Variants in LRP6 observed in about 807,000 individuals in gnomAD.
The protein encoded by LRP6 is LDL receptor related protein 6, also known as low-density lipoprotein receptor-related protein 6.
Under a neutral mutation model 184.1 loss-of-function variants are expected in LRP6, and 43 were observed. That is an observed-to-expected ratio of 0.23 (90% CI 0.18 to 0.30). The LOEUF is 0.30. Ranked by LOEUF, LRP6 falls within the 10% of genes least tolerant of loss-of-function variation. LRP6 has a pLI of 1.00. For missense variants in LRP6, 1,571 were observed against 2,005.3 expected (o/e 0.78, Z 4.14); for synonymous variants, 719 against 684.9 (o/e 1.05, Z -0.78).
chr12:12,205,411 C>T (rs563753404), intron 2 of LRP6, among the ~76,000 whole-genome samples: 2 of 149,536 alleles, frequency 1.3e-5, no homozygotes, highest in South Asian at 4.2e-4. Flanking sequence ...GTGTTGAAAC[C>T]CAAATGAAAT....
chr12:12,207,707 A>G (rs1394901872), intron 2 of LRP6, among the ~76,000 whole-genome samples: 1 of 152,156 alleles, frequency 6.6e-6, no homozygotes, highest in Non-Finnish European at 1.5e-5. Context: ...GTAGTCAGGA[A>G]GGCTGTCTGC....
At chr12:12,132,139 T>G in intron 17 of LRP6, 82 bp from the exon 18 acceptor site, 1 of 845,302 alleles carries the variant, frequency 1.2e-6, no homozygotes, top group East Asian at 2.4e-5. Flanking sequence ...TGAGTGAAGC[T>G]CATTTAATAA....
intron 1 of LRP6, among the ~76,000 whole-genome samples, chr12:12,254,143 C>CAAAAAAAAA (rs34210761): frequency 1.9e-4 from 14 of 74,334 alleles, no homozygotes; most frequent in African/African-American, 3.9e-4. Flanking sequence ...GACTCTGTCT[C>CAAAAAAAAA]AAAAAAAAAA....
At chr12:12,126,575 T>C (rs1364548516) in intron 20 of LRP6, 116 bp downstream of exon 20, 1 of 829,710 alleles carries the variant, frequency 1.2e-6, no homozygotes, top group African/African-American at 1.7e-5. Context: ...TATAATTGTT[T>C]AAACTCAGAG....
At chr12:12,211,985 A>G (rs981921239) in intron 2 of LRP6, among the ~76,000 whole-genome samples, 1 of 152,190 alleles carries the variant, frequency 6.6e-6, no homozygotes, top group Non-Finnish European at 1.5e-5. Flanking sequence ...ATAAAAATGA[A>G]ATATTAACTG....
chr12:12,175,696 AAAAATAAAAT>A (rs71435896), intron 7 of LRP6, among the ~76,000 whole-genome samples: 137 of 142,392 alleles, frequency 9.6e-4, no homozygotes, highest in African/African-American at 2.5e-3. Context: ...GTCTCAAATA[AAAAATAAAAT>A]AAAATAAAAT....
chr12:12,124,467 T>C, intron 22 of LRP6, 98 bp downstream of exon 22: 1 of 825,562 alleles, frequency 1.2e-6, no homozygotes, highest in Middle Eastern at 2.2e-4. Flanking sequence ...AGTCTCTCTC[T>C]GGTGACCATC....
intron 1 of LRP6, among the ~76,000 whole-genome samples, chr12:12,257,967 T>TC (rs1306224216): frequency 1.0e-4 from 14 of 135,212 alleles, no homozygotes; most frequent in Non-Finnish European, 1.9e-4. Flanking sequence ...AGACCCTGTC[T>TC]CAAAAAAAAA....
chr12:12,261,471 C>T (rs1865615467), intron 1 of LRP6, among the ~76,000 whole-genome samples: 1 of 151,722 alleles, frequency 6.6e-6, no homozygotes, highest in African/African-American at 2.4e-5. Flanking sequence ...AAGCTAAAAC[C>T]TTAAAATTTA....
chr12:12,194,083 G>T (rs897811124), intron 3 of LRP6, among the ~76,000 whole-genome samples: 10 of 151,682 alleles, frequency 6.6e-5, no homozygotes, highest in Admixed American at 2.0e-4. Context: ...ATAAAATAAA[G>T]AATAAAACCA....
chr12:12,117,547 T>A lies in LRP6; in HGVS notation c.*3579A>T, dbSNP rs1949535088. On this transcript the variant is annotated 3_prime_UTR_variant, in exon 23 of 23. Transcript: ENST00000261349. ...GCTTCCCCTACAAGAAATAAAACAA[T>A]TCAAAATATGACATTTCTAAGAATC... 6.6e-6 allele frequency: 1 copy of A among 152,224 alleles called. No homozygotes were observed. The highest frequency in any genetic ancestry group is 1.5e-5 in the Non-Finnish European group (1 of 68,022). The allele number at this position is 152,224 out of a possible 1,614,324, so 9.4% of individuals were successfully genotyped here.
intron 2 of LRP6, among the ~76,000 whole-genome samples, chr12:12,219,958 C>A (rs1176708670): frequency 6.6e-6 from 1 of 152,106 alleles, no homozygotes; most frequent in Non-Finnish European, 1.5e-5. Context: ...AGGTTGAAGG[C>A]AACAGCAACA....
chr12:12,153,184 A>G (rs1565569429), intron 12 of LRP6, among the ~76,000 whole-genome samples: 1 of 152,214 alleles, frequency 6.6e-6, no homozygotes, highest in Non-Finnish European at 1.5e-5. Context: ...AAGCAAGAAA[A>G]AAATTTTTAA....
At chr12:12,179,401 T>TATAGATATAGACATAGAC (rs1863284556) in intron 7 of LRP6, among the ~76,000 whole-genome samples, 2 of 143,170 alleles carry the variant, frequency 1.4e-5, no homozygotes, top group African/African-American at 5.6e-5. Flanking sequence ...TAGATATAGA[T>TATAGATATAGACATAGAC]ATAGATATAG....
chr12:12,256,600 A>G (rs1189894907), intron 1 of LRP6, among the ~76,000 whole-genome samples: 1 of 152,156 alleles, frequency 6.6e-6, no homozygotes, highest in African/African-American at 2.4e-5. Flanking sequence ...TGAGGTCAGG[A>G]GGTCAAGACC....
chr12:12,202,602 T>C (rs1335750744), intron 3 of LRP6, among the ~76,000 whole-genome samples: 1 of 152,232 alleles, frequency 6.6e-6, no homozygotes, highest in Non-Finnish European at 1.5e-5. Context: ...TATTCCCTTA[T>C]GCATTACTAT....
intron 1 of LRP6, among the ~76,000 whole-genome samples, chr12:12,260,536 A>ATTT: frequency 6.6e-6 from 1 of 152,230 alleles, no homozygotes; most frequent in Non-Finnish European, 1.5e-5. Context: ...CAACTGCCAA[A>ATTT]AACAGTGCCC....
At chr12:12,195,366 TTG>T (rs1591934819) in intron 3 of LRP6, among the ~76,000 whole-genome samples, 1 of 152,172 alleles carries the variant, frequency 6.6e-6, no homozygotes, top group East Asian at 1.9e-4. Context: ...GTATTATTTT[TTG>T]TCTTTTTGGT....
intron 4 of LRP6, among the ~76,000 whole-genome samples, chr12:12,184,617 G>C (rs370659637): frequency 6.6e-6 from 1 of 152,160 alleles, no homozygotes; most frequent in East Asian, 1.9e-4. Flanking sequence ...TATAAACTGG[G>C]TAAGATATTA....
Sources: gnomAD v4.1 joint callset for allele counts (sites outside exome capture counted in the v4.1 genomes callset) on GRCh38, gnomAD v4.1.1 for gene constraint, MANE v1.5 for transcripts, NCBI Gene and HGNC (gene_info 2026-07-23, HGNC 2026-07-21) for gene names.